ST3GAL3: variants seen among roughly 807,000 people sequenced by gnomAD.
ST3GAL3 encodes CMP-N-acetylneuraminate-beta-1,4-galactoside alpha-2,3-sialyltransferase.
In ST3GAL3, 21 loss-of-function variants were observed where a neutral mutation model predicts 50.1. That is an observed-to-expected ratio of 0.42 (90% CI 0.30 to 0.60). The LOEUF (loss-of-function observed/expected upper bound fraction) is 0.60, where lower values mean the gene tolerates loss of function less well. ST3GAL3 is among the 20% of genes least tolerant of loss of function. ST3GAL3 has a pLI of 0.19. For synonymous variants in ST3GAL3, 183 were observed against 190.0 expected (o/e 0.96, Z 0.30); for missense variants, 353 against 489.4 (o/e 0.72, Z 2.63).
chr1:43,929,116 A>C (rs778217887), intron 11 of ST3GAL3, among the ~76,000 whole-genome samples: 3 of 152,100 alleles, frequency 2.0e-5, no homozygotes, highest in Non-Finnish European at 4.4e-5. Context: ...TCTTCCCCAG[A>C]AGCCTCTTCT....
At chr1:43,866,633 A>G (rs574413210) in intron 5 of ST3GAL3, among the ~76,000 whole-genome samples, 1 of 152,148 alleles carries the variant, frequency 6.6e-6, no homozygotes, top group East Asian at 1.9e-4. Flanking sequence ...GAAAAATGAC[A>G]GGGTAGGTCT....
intron 5 of ST3GAL3, among the ~76,000 whole-genome samples, chr1:43,866,746 A>G (rs946557405): frequency 1.1e-4 from 16 of 152,286 alleles, no homozygotes; most frequent in Middle Eastern, 3.4e-3. Flanking sequence ...TACATCCTAG[A>G]TGCTGGAAGA....
chr1:43,756,715 C>A lies in ST3GAL3; in HGVS notation c.118+20335C>A, dbSNP rs115936160. ...TGGTTGGATAATTGTTTCTGTATAC[C>A]TATACATTCCATGATGGTTAGAAGG... On this transcript the variant is annotated intron_variant, in intron 2 of 11. Coordinates refer to ENST00000347631, the MANE Select transcript of ST3GAL3 (RefSeq NM_006279.5). 9.5e-3 allele frequency among the ~76,000 whole-genome samples: 1,447 copies of A among 152,142 alleles called. 13 individuals are homozygous for A. The highest frequency in any genetic ancestry group is 0.016 in the Non-Finnish European group (1,067 of 67,992).
intron 9 of ST3GAL3, among the ~76,000 whole-genome samples, chr1:43,905,285 C>T (rs1383032301): frequency 3.6e-5 from 5 of 139,600 alleles, no homozygotes; most frequent in Non-Finnish European, 7.8e-5. Context: ...CCTCTCCTGC[C>T]TCCTTCTGCT....
intron 2 of ST3GAL3, among the ~76,000 whole-genome samples, chr1:43,784,859 C>A (rs1317068124): frequency 6.6e-6 from 1 of 152,206 alleles, no homozygotes; most frequent in African/African-American, 2.4e-5. Context: ...TTTCAGCCAT[C>A]AGCTTCTTCT....
intron 5 of ST3GAL3, among the ~76,000 whole-genome samples, chr1:43,843,282 A>C (rs946180369): frequency 1.3e-5 from 2 of 152,196 alleles, no homozygotes; most frequent in Admixed American, 1.3e-4. Context: ...AGTGTTTATC[A>C]TGAATAGATG....
chr1:43,926,841 G>C (rs895119018), intron 11 of ST3GAL3, among the ~76,000 whole-genome samples: 1 of 152,100 alleles, frequency 6.6e-6, no homozygotes, highest in Non-Finnish European at 1.5e-5. Context: ...TGACTTTCTT[G>C]TTTACTTTTT....
chr1:43,711,978 G>A (rs1482809883), intron 1 of ST3GAL3, among the ~76,000 whole-genome samples: 2 of 152,176 alleles, frequency 1.3e-5, no homozygotes, highest in Non-Finnish European at 2.9e-5. Flanking sequence ...TTGGGGAGGA[G>A]GTTTCACTTT....
At chr1:43,719,762 G>A (rs1195397571) in intron 1 of ST3GAL3, among the ~76,000 whole-genome samples, 1 of 151,184 alleles carries the variant, frequency 6.6e-6, no homozygotes, top group Non-Finnish European at 1.5e-5. Flanking sequence ...GCGAAAGCCC[G>A]TCTCTACTAA....
intron 2 of ST3GAL3, among the ~76,000 whole-genome samples, chr1:43,769,897 A>T (rs1694432056): frequency 6.6e-6 from 1 of 152,148 alleles, no homozygotes; most frequent in South Asian, 2.1e-4. Flanking sequence ...TCTTTGAAGT[A>T]GAATAAAGTC....
chr1:43,920,590 G>A (rs1311402714), intron 10 of ST3GAL3, 40 bp downstream of exon 10: 11 of 1,611,852 alleles, frequency 6.8e-6, no homozygotes, highest in Non-Finnish European at 9.3e-6. Context: ...GAGGAAAGCT[G>A]GGTCAGAAGT....
At chr1:43,929,596 T>C (rs1192292593) in intron 11 of ST3GAL3, among the ~76,000 whole-genome samples, 23 of 152,206 alleles carry the variant, frequency 1.5e-4, no homozygotes, top group Admixed American at 1.5e-3. Context: ...CCACCGCGCC[T>C]GGCCTATTTT....
chr1:43,835,940 C>G (rs931089743), intron 4 of ST3GAL3, among the ~76,000 whole-genome samples: 3 of 152,204 alleles, frequency 2.0e-5, no homozygotes, highest in Non-Finnish European at 2.9e-5. Flanking sequence ...GTGTTGACCA[C>G]TCCTGTGCTG....
chr1:43,908,961 TCTCCA>T lies in ST3GAL3; in HGVS notation c.744+9238_744+9242del, dbSNP rs2080309127. 2.6e-5 allele frequency among the ~76,000 whole-genome samples: 4 copies of T among 152,258 alleles called. No homozygotes were observed. In the South Asian group the frequency reaches 8.3e-4, roughly 32 times the overall value. On this transcript the variant is annotated intron_variant, in intron 9 of 11. Transcript: ENST00000347631. ...CCACTCTTTAGCACCCGCCATGTAC[TCTCCA>T]CTCTGGCTATATGGACCTATGGATC...
At chr1:43,756,290 A>T (rs1375961739) in intron 2 of ST3GAL3, among the ~76,000 whole-genome samples, 3 of 152,124 alleles carry the variant, frequency 2.0e-5, no homozygotes, top group Non-Finnish European at 2.9e-5. Flanking sequence ...AACTTAGATC[A>T]GTATTTATCT....
At chr1:43,734,691 A>G (rs375707982) in intron 1 of ST3GAL3, among the ~76,000 whole-genome samples, 86 of 152,268 alleles carry the variant, frequency 5.6e-4, no homozygotes, top group African/African-American at 2.0e-3. Context: ...TATAATCATA[A>G]TCACCTACTT....
At chr1:43,903,689 A>G (rs1485968493) in intron 9 of ST3GAL3, among the ~76,000 whole-genome samples, 1 of 152,176 alleles carries the variant, frequency 6.6e-6, no homozygotes, top group African/African-American at 2.4e-5. Context: ...AGGATCTAAG[A>G]GGCCAGCCAA....
chr1:43,880,831 C>T (rs1300164143), intron 5 of ST3GAL3, among the ~76,000 whole-genome samples: 2 of 152,168 alleles, frequency 1.3e-5, no homozygotes, highest in African/African-American at 4.8e-5. Flanking sequence ...CCTGAGGTCA[C>T]TGTGAGATTA....
chr1:43,920,245 T>G, intron 9 of ST3GAL3, 159 bp from the exon 10 acceptor site: 1 of 792,526 alleles, frequency 1.3e-6, no homozygotes, highest in Non-Finnish European at 2.1e-6. Flanking sequence ...ACACTCCATT[T>G]CCCCAAACAC....
Sources: allele counts gnomAD v4.1 joint callset (sites outside exome capture counted in the v4.1 genomes callset), GRCh38; gene constraint gnomAD v4.1.1; transcripts MANE v1.5; gene names NCBI Gene and HGNC (gene_info 2026-07-23, HGNC 2026-07-21).